SHISA9: variants seen among roughly 807,000 people sequenced by gnomAD.
SHISA9 encodes the protein protein shisa-9.
SHISA9 carries 13 observed loss-of-function variants against 38.0 expected under a neutral mutation model. That is an observed-to-expected ratio of 0.34 (90% CI 0.22 to 0.54). SHISA9 has a LOEUF of 0.54. Ranked by LOEUF, SHISA9 falls within the 20% of genes least tolerant of loss-of-function variation. The probability of loss-of-function intolerance (pLI) is 0.91; values close to 1 mark genes in which losing one functional copy is unlikely to be tolerated. For synonymous variants in SHISA9, 275 were observed against 242.0 expected (o/e 1.14, Z -1.27); for missense variants, 538 against 575.8 (o/e 0.93, Z 0.67).
chr16:13,125,341 A>C (rs1321488790), intron 2 of SHISA9, among the ~76,000 whole-genome samples: 1 of 152,178 alleles, frequency 6.6e-6, no homozygotes, highest in Non-Finnish European at 1.5e-5. Context: ...TCTGATGGCA[A>C]CTTCCCTAAT....
chr16:13,451,546 T>C, the SHISA9 span, among the ~76,000 whole-genome samples: 3 of 152,164 alleles, frequency 2.0e-5, no homozygotes, highest in Admixed American at 6.5e-5. Context: ...TGGGCAGACC[T>C]GGTGATCATG....
At chr16:13,286,717 G>A in the SHISA9 span, among the ~76,000 whole-genome samples, 1 of 152,114 alleles carries the variant, frequency 6.6e-6, no homozygotes, top group Admixed American at 6.6e-5. Flanking sequence ...AAGTATCCTA[G>A]GACAGCAGAC....
chr16:13,106,986 C>CTA (rs1555462292), intron 2 of SHISA9, among the ~76,000 whole-genome samples: 3 of 149,902 alleles, frequency 2.0e-5, no homozygotes, highest in Non-Finnish European at 4.5e-5. Flanking sequence ...CTCTCTCTCT[C>CTA]TCTCTCTCTC....
At chr16:13,472,379 T>G in the SHISA9 span, among the ~76,000 whole-genome samples, 1 of 46,086 alleles carries the variant, frequency 2.2e-5, no homozygotes, top group Non-Finnish European at 4.4e-5. Flanking sequence ...TCTGCTAAAT[T>G]TTTTTTTTTT....
intron 2 of SHISA9, among the ~76,000 whole-genome samples, chr16:13,183,337 CTA>C (rs2050793496): frequency 1.3e-5 from 2 of 152,244 alleles, no homozygotes; most frequent in African/African-American, 2.4e-5. Flanking sequence ...AGTGTTAACA[CTA>C]TGTATTTGTG....
At chr16:13,471,639 G>C in the SHISA9 span, among the ~76,000 whole-genome samples, 10 of 151,928 alleles carry the variant, frequency 6.6e-5, no homozygotes, top group Admixed American at 6.6e-4. Context: ...GAGCAAACAT[G>C]AAAGAGAATG....
Position 12,913,885 on chromosome 16 carries a change from C to T in SHISA9, c.564-2803C>T, listed in dbSNP as rs562932140. Among the ~76,000 whole-genome samples the T allele has an allele frequency of 7.8e-4, 119 of 152,168 alleles. 1 individual carries two copies. The highest frequency in any genetic ancestry group is 2.8e-3 in the African/African-American group (116 of 41,526). Reference sequence around the variant, plus strand: ...CTGGAGAATATTCCATTTCCTGTAACACATCTCGTGTGTCCATTCATCAGC... The same window carrying T: ...CTGGAGAATATTCCATTTCCTGTAATACATCTCGTGTGTCCATTCATCAGC... On this transcript the variant is annotated intron_variant, in intron 1 of 4. Transcript: ENST00000558583.
At chr16:13,107,379 G>T (rs1418734433) in intron 2 of SHISA9, among the ~76,000 whole-genome samples, 2 of 151,976 alleles carry the variant, frequency 1.3e-5, no homozygotes, top group Non-Finnish European at 1.5e-5. Flanking sequence ...AGATTGCAGT[G>T]AGCCGAGATT....
chr16:13,536,166 T>C, the SHISA9 span, among the ~76,000 whole-genome samples: 1 of 152,016 alleles, frequency 6.6e-6, no homozygotes, highest in African/African-American at 2.4e-5. Context: ...CCCCAGCTAA[T>C]TTTTGTATTT....
chr16:12,901,692 G>A lies in SHISA9; in HGVS notation c.-373G>A. ...GAGGGCTAGGGGCGGCCAGTCCGGGGCTGCCGGCCAAGGCTAGGCGCTGCC... is the reference window on the plus strand; with the variant it reads ...GAGGGCTAGGGGCGGCCAGTCCGGGACTGCCGGCCAAGGCTAGGCGCTGCC... On this transcript the variant is annotated 5_prime_UTR_variant, in exon 1 of 5. Coordinates refer to ENST00000558583, the MANE Select transcript of SHISA9 (RefSeq NM_001145204.3). 6.6e-6 allele frequency: 1 copy of A among 151,188 alleles called. No individual in the cohort carries two copies. The highest frequency in any genetic ancestry group is 1.5e-5 in the Non-Finnish European group (1 of 67,882). 9.4% of individuals were successfully genotyped at this position (151,188 alleles called of 1,614,324 possible). A position where few individuals can be genotyped will look rare whatever the true frequency, so the allele number is the denominator to read the frequency against.
chr16:13,401,528 G>T, the SHISA9 span, among the ~76,000 whole-genome samples: 1,063 of 152,338 alleles, frequency 7.0e-3, 5 homozygotes, highest in Non-Finnish European at 0.011. Context: ...TGGTCTGTGA[G>T]GAAGTGATAA....
chr16:13,427,500 T>A, the SHISA9 span, among the ~76,000 whole-genome samples: 3 of 151,980 alleles, frequency 2.0e-5, no homozygotes, highest in Non-Finnish European at 4.4e-5. Context: ...CAATTCTAAT[T>A]GGGAGGTGAA....
At chr16:13,472,345 C>G in the SHISA9 span, among the ~76,000 whole-genome samples, 1 of 148,798 alleles carries the variant, frequency 6.7e-6, no homozygotes, top group Non-Finnish European at 1.5e-5. Context: ...TGAATTCATC[C>G]CTTCATTTAG....
rs2073620084 is a variant in SHISA9, at chr16:13,079,295, T to C, written c.692-124099T>C. Among the ~76,000 whole-genome samples, 3 of 152,330 alleles carry C rather than the reference T, an allele frequency of 2.0e-5. No individual in the cohort carries two copies. The South Asian group carries it at 6.2e-4, about 32-fold the overall frequency. On this transcript the variant is annotated intron_variant, in intron 2 of 4. Coordinates refer to ENST00000558583, the MANE Select transcript of SHISA9 (RefSeq NM_001145204.3). ...TTCCATTTTCTTATCTGGGAAAACA[T>C]GGATGATGACAGAATCTACTTCCTG...
At chr16:13,019,051 G>T (rs1053878073) in intron 2 of SHISA9, among the ~76,000 whole-genome samples, 1 of 152,056 alleles carries the variant, frequency 6.6e-6, no homozygotes, top group Admixed American at 6.6e-5. Flanking sequence ...TCAGGCTGTA[G>T]TGCCGTGGCA....
the SHISA9 span, among the ~76,000 whole-genome samples, chr16:13,403,115 A>C: frequency 4.5e-4 from 68 of 151,808 alleles, no homozygotes; most frequent in African/African-American, 2.9e-4. Context: ...AAAACACAAA[A>C]AAAAAAAAAC....
chr16:13,346,496 A>G, the SHISA9 span, among the ~76,000 whole-genome samples: 2 of 152,196 alleles, frequency 1.3e-5, no homozygotes, highest in Non-Finnish European at 2.9e-5. Context: ...TTGGAATAGG[A>G]TTACAAAAGC....
chr16:13,156,690 C>T lies in SHISA9; in HGVS notation c.692-46704C>T, dbSNP rs532469073. On this transcript the variant is annotated intron_variant, in intron 2 of 4. Coordinates refer to ENST00000558583, the MANE Select transcript of SHISA9 (RefSeq NM_001145204.3). ...TGGAGCTCGCAGTAAGCTGAGATCG[C>T]GCCACTACACTCCAGCCTGGGCAAC... Among the ~76,000 whole-genome samples, 56 of 149,076 alleles carry T rather than the reference C, an allele frequency of 3.8e-4. No homozygotes were observed. In the South Asian group the frequency reaches 5.7e-3, roughly 15 times the overall value.
At chr16:13,365,956 C>T in the SHISA9 span, among the ~76,000 whole-genome samples, 10 of 151,978 alleles carry the variant, frequency 6.6e-5, no homozygotes, top group Admixed American at 6.6e-4. Context: ...AGTAAGTTTC[C>T]CCTAAGGAAA....
Sources: allele counts gnomAD v4.1 joint callset (sites outside exome capture counted in the v4.1 genomes callset), GRCh38; gene constraint gnomAD v4.1.1; transcripts MANE v1.5; gene names NCBI Gene and HGNC (gene_info 2026-07-23, HGNC 2026-07-21).